SDK1: variants seen among roughly 807,000 people sequenced by gnomAD.
The protein encoded by SDK1 is sidekick cell adhesion molecule 1.
Under a neutral mutation model 245.5 loss-of-function variants are expected in SDK1, and 157 were observed. The observed-to-expected ratio is 0.64, with a 90% CI of 0.56 to 0.73. SDK1 has a LOEUF of 0.73. SDK1 is among the 30% of genes least tolerant of loss of function. The pLI, the probability that SDK1 is intolerant of heterozygous loss-of-function variation, is 0.00. For synonymous variants in SDK1, 1,647 were observed against 1,278.5 expected (o/e 1.29, Z -6.15); for missense variants, 3,583 against 3,002.3 (o/e 1.19, Z -4.52).
At chr7:3,975,009 A>G (rs1342455704) in intron 13 of SDK1, among the ~76,000 whole-genome samples, 1 of 151,854 alleles carries the variant, frequency 6.6e-6, no homozygotes, top group East Asian at 1.9e-4. Context: ...GTGGGTAAAT[A>G]GATACTTTAA....
chr7:4,062,470 C>G (rs757113453), intron 19 of SDK1, among the ~76,000 whole-genome samples: 2 of 152,090 alleles, frequency 1.3e-5, no homozygotes, highest in Non-Finnish European at 2.9e-5. Flanking sequence ...AGTAATAACT[C>G]TCCCAACAAA....
At chr7:3,744,127 C>T (rs750779118) in intron 4 of SDK1, among the ~76,000 whole-genome samples, 1 of 152,096 alleles carries the variant, frequency 6.6e-6, no homozygotes, top group Non-Finnish European at 1.5e-5. Flanking sequence ...TGTTCATCTG[C>T]CTTGAATGCT....
At chr7:4,195,611 T>G (rs1405463377) in intron 35 of SDK1, among the ~76,000 whole-genome samples, 1 of 152,190 alleles carries the variant, frequency 6.6e-6, no homozygotes, top group Non-Finnish European at 1.5e-5. Flanking sequence ...AAAATTGAGT[T>G]TCTGTGTAGT....
At chr7:3,895,646 CTTCTT>C (rs58835203) in intron 5 of SDK1, among the ~76,000 whole-genome samples, 39,395 of 151,896 alleles carry the variant, frequency 0.26, 5,573 homozygotes, top group African/African-American at 0.38. Flanking sequence ...TCTTCTTCCT[CTTCTT>C]TTCAAGTTGC....
At chr7:4,182,130 A>C (rs1298502553) in intron 35 of SDK1, among the ~76,000 whole-genome samples, 1 of 152,196 alleles carries the variant, frequency 6.6e-6, no homozygotes, top group Non-Finnish European at 1.5e-5. Context: ...CGTGTTAGCC[A>C]GGATGGTCTC....
At chr7:3,739,355 C>T (rs936410536) in intron 4 of SDK1, among the ~76,000 whole-genome samples, 3 of 152,162 alleles carry the variant, frequency 2.0e-5, no homozygotes, top group African/African-American at 7.2e-5. Flanking sequence ...AAGTTTACTT[C>T]ATTATTTCTT....
chr7:3,966,516 C>A (rs59704361), intron 9 of SDK1, among the ~76,000 whole-genome samples: 2,266 of 152,114 alleles, frequency 0.015, 43 homozygotes, highest in African/African-American at 0.046. Flanking sequence ...CGTGACCATC[C>A]CCCATGAACA....
chr7:3,612,030 A>C (rs1781611023), intron 1 of SDK1, among the ~76,000 whole-genome samples: 1 of 152,130 alleles, frequency 6.6e-6, no homozygotes. Flanking sequence ...TCTCACTCCT[A>C]AGTGGGAGCT....
intron 43 of SDK1, among the ~76,000 whole-genome samples, chr7:4,245,406 C>G (rs897651525): frequency 6.6e-6 from 1 of 152,194 alleles, no homozygotes. Context: ...ACGTGAGTGT[C>G]TCACTGCCCC....
In SDK1 at chr7:4,266,341, A is replaced by G; in HGVS notation, c.*957A>G. The G allele has an allele frequency of 1.0e-6, 1 of 985,374 alleles. No homozygotes were observed. The allele number at this position is 985,374 out of a possible 1,614,324, so 61.0% of individuals were successfully genotyped here. On this transcript the variant is annotated 3_prime_UTR_variant, in exon 45 of 45. Coordinates refer to ENST00000404826, the MANE Select transcript of SDK1 (RefSeq NM_152744.4). ...CCAGGTGCCTTTTTATTAATTGTTC[A>G]GCTTTGTACATGGGAAAGATGAAAA...
intron 1 of SDK1, among the ~76,000 whole-genome samples, chr7:3,355,390 G>A (rs763162303): frequency 1.2e-4 from 18 of 152,116 alleles, no homozygotes; most frequent in Non-Finnish European, 2.4e-4. Context: ...ATCGTAGCTC[G>A]CCATGGCCTC....
intron 21 of SDK1, among the ~76,000 whole-genome samples, chr7:4,078,421 T>C (rs776130798): frequency 1.4e-4 from 21 of 152,240 alleles, no homozygotes; most frequent in Admixed American, 9.2e-4. Flanking sequence ...CTATTTCAAA[T>C]TCATTAAAAA....
chr7:4,037,156 G>T (rs57214581), intron 17 of SDK1, among the ~76,000 whole-genome samples: 2 of 152,124 alleles, frequency 1.3e-5, no homozygotes, highest in African/African-American at 2.4e-5. Context: ...AAATTTAAAC[G>T]TTTCTGCTTT....
chr7:4,110,133 C>T (rs1015280126), intron 22 of SDK1, among the ~76,000 whole-genome samples: 1 of 152,172 alleles, frequency 6.6e-6, no homozygotes, highest in South Asian at 2.1e-4. Context: ...ACTCATCCTT[C>T]CCTGCCTAAG....
At chr7:3,755,439 C>G (rs1354308723) in intron 4 of SDK1, among the ~76,000 whole-genome samples, 1 of 152,142 alleles carries the variant, frequency 6.6e-6, no homozygotes, top group Non-Finnish European at 1.5e-5. Context: ...TCTGCATAGT[C>G]CGCCTCACTG....
At chr7:3,488,554 C>G (rs1307028976) in intron 1 of SDK1, among the ~76,000 whole-genome samples, 1 of 152,172 alleles carries the variant, frequency 6.6e-6, no homozygotes, top group Non-Finnish European at 1.5e-5. Flanking sequence ...CATATGTCAT[C>G]AAGTTTTCTA....
At position 3,806,804 on chromosome 7, in the gene SDK1, G is replaced by A. The variant is rs767614376; in HGVS notation, c.714-14646G>A. 2.0e-3 allele frequency among the ~76,000 whole-genome samples: 278 copies of A among 141,960 alleles called. 1 individual carries two copies. The highest frequency in any genetic ancestry group is 0.011 in the Middle Eastern group (3 of 266). 93.1% of individuals were successfully genotyped at this position (141,960 alleles called of 152,430 possible). On this transcript the variant is annotated intron_variant, in intron 4 of 44. Coordinates refer to ENST00000404826, the MANE Select transcript of SDK1 (RefSeq NM_152744.4). ...ATTAACTGGCAGGTGGTGGAGACGGGAAAAGTAGCTGCTGCCCCTTTTTCT... is the reference window on the plus strand; with the variant it reads ...ATTAACTGGCAGGTGGTGGAGACGGAAAAAGTAGCTGCTGCCCCTTTTTCT...
intron 5 of SDK1, among the ~76,000 whole-genome samples, chr7:3,869,448 G>T (rs35858244): frequency 0.042 from 6,454 of 152,136 alleles, 185 homozygotes; most frequent in South Asian, 0.066. Context: ...GAGCCACCAC[G>T]CCTGGCCTGT....
At chr7:4,187,138 T>C (rs1782942844) in intron 35 of SDK1, among the ~76,000 whole-genome samples, 1 of 152,058 alleles carries the variant, frequency 6.6e-6, no homozygotes, top group African/African-American at 2.4e-5. Context: ...CAGGTGGGCT[T>C]GCTGCTACAT....
Sources: allele counts gnomAD v4.1 joint callset (sites outside exome capture counted in the v4.1 genomes callset), GRCh38; gene constraint gnomAD v4.1.1; transcripts MANE v1.5; gene names NCBI Gene and HGNC (gene_info 2026-07-23, HGNC 2026-07-21).